ZNF668: variants seen among roughly 807,000 people sequenced by gnomAD.
The protein encoded by ZNF668 is zinc finger protein 668.
A neutral mutation model predicts 40.3 loss-of-function variants in ZNF668; 10 were observed. The observed-to-expected ratio is 0.25, with a 90% CI of 0.15 to 0.42. The LOEUF is 0.42. Among genes scored for constraint, ZNF668 ranks in the 10% least tolerant of loss-of-function variants. ZNF668 has a pLI of 1.00. For missense variants in ZNF668, 749 were observed against 904.6 expected (o/e 0.83, Z 2.21); for synonymous variants, 428 against 384.6 (o/e 1.11, Z -1.32).
intron 1 of ZNF668, chr16:31,064,702 A>T (rs950020283): frequency 2.0e-6 from 3 of 1,535,180 alleles, no homozygotes; most frequent in Non-Finnish European, 2.6e-6. Context: ...AAGGAGGCTG[A>T]GGGTCACAAA....
chr16:31,071,168 TTTTA>T (rs1470846976), intron 1 of ZNF668, among the ~76,000 whole-genome samples: 1 of 151,022 alleles, frequency 6.6e-6, no homozygotes, highest in Non-Finnish European at 1.5e-5. Flanking sequence ...TTTATTTCAT[TTTTA>T]TTTATTTATT....
rs576364458 is a variant in ZNF668 at position 31,073,450 on chromosome 16, G to A, written c.-23+209C>T. 9.2e-5 allele frequency: 14 copies of A among 152,310 alleles called. No homozygotes were observed. The East Asian group carries it at 2.7e-3, about 29-fold the overall frequency. The allele number at this position is 152,310 out of a possible 1,614,324, so 9.4% of individuals were successfully genotyped here. On this transcript the variant is annotated intron_variant, in intron 1 of 2. Coordinates refer to ENST00000300849, the MANE Select transcript of ZNF668 (RefSeq NM_024706.5). Reference sequence around the variant, plus strand: ...CGCGGGCCGAGCCTGGGTGTCCGCAGCCCAGAACCGCGGAGACAGCCGGCG... The same window carrying A: ...CGCGGGCCGAGCCTGGGTGTCCGCAACCCAGAACCGCGGAGACAGCCGGCG...
rs1036724178 is a variant in ZNF668, at chr16:31,062,247, G to C, written c.681C>G (p.Ser227=). The C allele has an allele frequency of 6.2e-7, 1 of 1,609,876 alleles. No homozygotes were observed. The highest frequency in any genetic ancestry group is 1.7e-5 in the Admixed American group (1 of 59,798). The change falls in exon 3 of 3, where the codon TCC becomes TCG. Residue 227 remains serine, a synonymous_variant. Coordinates refer to ENST00000300849, the MANE Select transcript of ZNF668 (RefSeq NM_024706.5). The part of the protein sequence containing the change: ...SHTGERPFLC[S]ECGKSFSRSS... ...AGCGGGAGAAGCTCTTCCCGCACTC[G>C]GAGCAGAGGAAGGGGCGCTCGCCGG...
At chr16:31,064,583 C>T (rs1197032925) in intron 1 of ZNF668, 102 bp from the exon 2 acceptor site, 19 of 1,557,466 alleles carry the variant, frequency 1.2e-5, no homozygotes, top group African/African-American at 4.1e-5. Flanking sequence ...TCGGAACCCA[C>T]ACATCCTTCC....
At chr16:31,071,330 C>A (rs2143780061) in intron 1 of ZNF668, among the ~76,000 whole-genome samples, 1 of 151,982 alleles carries the variant, frequency 6.6e-6, no homozygotes, top group African/African-American at 2.4e-5. Context: ...TCACACCTGG[C>A]AAACTTTTGT....
rs1421401661 is a variant in ZNF668 at position 31,063,890 on chromosome 16, G to C, written c.570C>G (p.His190Gln). 6.3e-7 allele frequency: 1 copy of C among 1,594,670 alleles called. No individual in the cohort carries two copies. The highest frequency in any genetic ancestry group is 8.5e-7 in the Non-Finnish European group (1 of 1,171,072). ...CACAGCTGTAGGGCCGCAGGCCAGC[G>C]TGAGTACGCCGGTGCTTGCGGAACA... ...PSVFRKHRRT[H>Q]AGLRPYSCER... Residue 190 changes from histidine (H) to glutamine (Q), a missense_variant, in exon 2 of 3, where the codon CAC (histidine) becomes CAG (glutamine). His to Gln is a conservative substitution (Grantham distance 24). Coordinates refer to ENST00000300849, the MANE Select transcript of ZNF668 (RefSeq NM_024706.5).
rs753612206 is a variant in ZNF668, at chr16:31,062,299, C to G, written c.648-19G>C. Reference sequence around the variant, plus strand: ...GTGGGACCTGCGGGGGTGTGGAGGACTTGGCATGAAGGCGACAGACCCATA... The same window carrying G: ...GTGGGACCTGCGGGGGTGTGGAGGAGTTGGCATGAAGGCGACAGACCCATA... On this transcript the variant is annotated intron_variant, in intron 2 of 2. Coordinates refer to ENST00000300849, the MANE Select transcript of ZNF668 (RefSeq NM_024706.5). 6.3e-7 allele frequency: 1 copy of G among 1,576,946 alleles called. No individual in the cohort carries two copies.
chr16:31,064,745 C>A, intron 1 of ZNF668: 4 of 1,518,868 alleles, frequency 2.6e-6, no homozygotes, highest in Admixed American at 4.1e-5. Context: ...CCGCCCCCAA[C>A]GGGCTTTTCC....
chr16:31,068,421 A>G (rs2056993997), intron 1 of ZNF668, among the ~76,000 whole-genome samples: 1 of 149,232 alleles, frequency 6.7e-6, no homozygotes, highest in Admixed American at 6.7e-5. Flanking sequence ...ACGGGGTTTC[A>G]CTGTGTTAGC....
chr16:31,061,019 C>G lies in ZNF668; in HGVS notation c.*49G>C. On this transcript the variant is annotated 3_prime_UTR_variant, in exon 3 of 3. Coordinates refer to ENST00000300849, the MANE Select transcript of ZNF668 (RefSeq NM_024706.5). This position sits in a 1 kb window ranked among gnomAD's most constrained non-coding sequence, Gnocchi z 7.7. ...CAGGCAAAAGGAGGTACAGGAAGCC[C>G]CCGATGGGGGCTGGGCTCCCGGAGT... The G allele has an allele frequency of 1.4e-6, 2 of 1,426,970 alleles. No individual in the cohort carries two copies. The highest frequency in any genetic ancestry group is 1.8e-6 in the Non-Finnish European group (2 of 1,087,630). 88.4% of individuals were successfully genotyped at this position (1,426,970 alleles called of 1,614,324 possible). A position where few individuals can be genotyped will look rare whatever the true frequency, so the allele number is the denominator to read the frequency against.
At chr16:31,067,882 C>G (rs766024215) in intron 1 of ZNF668, among the ~76,000 whole-genome samples, 1 of 152,040 alleles carries the variant, frequency 6.6e-6, no homozygotes, top group African/African-American at 2.4e-5. Context: ...CTCCGCCAGC[C>G]CCACAGTGAC....
Position 31,061,494 on chromosome 16 carries a change from G to A in ZNF668, c.1434C>T (p.Gly478=), listed in dbSNP as rs754646685. 1.2e-6 allele frequency: 2 copies of A among 1,612,934 alleles called. No individual in the cohort carries two copies. The highest frequency in any genetic ancestry group is 1.7e-6 in the Non-Finnish European group (2 of 1,179,934). ...GVMATQWQVV[G]MTVEHVECQD... Reference sequence around the variant, plus strand: ...GGCATTCCACATGCTCCACCGTCATGCCCACCACCTGCCACTGTGTGGCCA... The same window carrying A: ...GGCATTCCACATGCTCCACCGTCATACCCACCACCTGCCACTGTGTGGCCA... The change falls in exon 3 of 3, where the codon GGC becomes GGT. Residue 478 remains glycine (G), a synonymous_variant. Coordinates refer to ENST00000300849, the MANE Select transcript of ZNF668 (RefSeq NM_024706.5). This position sits in a 1 kb window ranked among gnomAD's most constrained non-coding sequence, Gnocchi z 7.7.
chr16:31,068,239 A>AAAAATATATATATATATAT (rs1473353128), intron 1 of ZNF668, among the ~76,000 whole-genome samples: 1 of 83,012 alleles, frequency 1.2e-5, no homozygotes, highest in African/African-American at 5.0e-5. Flanking sequence ...AAAAAAAAAA[A>AAAAATATATATATATATAT]ATATATATAT....
intron 1 of ZNF668, chr16:31,064,741 C>G (rs1043381608): frequency 6.6e-7 from 1 of 1,521,584 alleles, no homozygotes. Flanking sequence ...CCCCCCGCCC[C>G]CAACGGGCTT....
intron 1 of ZNF668, among the ~76,000 whole-genome samples, chr16:31,067,643 T>C (rs1312394638): frequency 3.3e-5 from 5 of 152,186 alleles, no homozygotes; most frequent in Non-Finnish European, 5.9e-5. Flanking sequence ...GCCAGACACA[T>C]TGCTGGGTGT....
chr16:31,064,168 C>G lies in ZNF668; in HGVS notation c.292G>C (p.Glu98Gln). Residue 98 changes from glutamate to glutamine, a missense_variant, in exon 2 of 3, where the codon GAG becomes CAG. By Grantham distance (29) the Glu-to-Gln change is conservative (BLOSUM62 2). This residue lies in a region of ZNF668 where 159 missense variants were observed against 139.8 expected (regional missense o/e 1.14). Transcript: ENST00000300849. ...LCPKAYKTAP[E>Q]LRSHGRSHTG... ...TGGCTGCGCCCGTGGCTGCGCAGCT[C>G]GGGTGCCGTCTTGTAGGCCTTGGGG... The G allele has an allele frequency of 1.2e-6, 2 of 1,610,306 alleles. No individual in the cohort carries two copies. The highest frequency in any genetic ancestry group is 2.2e-5 in the East Asian group (1 of 44,856).
At chr16:31,063,549 A>G (rs998445510) in intron 2 of ZNF668, among the ~76,000 whole-genome samples, 6 of 152,050 alleles carry the variant, frequency 3.9e-5, no homozygotes, top group African/African-American at 1.4e-4. Context: ...GCCCAACTCC[A>G]AACCCCGCCC....
chr16:31,064,805 T>C (rs2056969614), intron 1 of ZNF668: 1 of 1,464,880 alleles, frequency 6.8e-7, no homozygotes, highest in Non-Finnish European at 9.0e-7. Context: ...CTCACCATCT[T>C]CCTTCTTCAG....
At chr16:31,072,593 C>T (rs2057023114) in intron 1 of ZNF668, 1 of 152,296 alleles carries the variant, frequency 6.6e-6, no homozygotes, top group Non-Finnish European at 1.5e-5. Context: ...AAGGAGGCAC[C>T]TCAATCTTCC....
Sources: allele counts gnomAD v4.1 joint callset (sites outside exome capture counted in the v4.1 genomes callset), GRCh38; gene constraint gnomAD v4.1.1; regional missense constraint gnomAD v4.1.1; non-coding constraint Gnocchi (gnomAD v3.1); transcripts MANE v1.5; gene names NCBI Gene and HGNC (gene_info 2026-07-23, HGNC 2026-07-21).